Variants in ARHGAP32 observed in about 807,000 individuals in gnomAD.
The protein encoded by ARHGAP32 is rho GTPase-activating protein 32.
In ARHGAP32, 51 loss-of-function variants were observed where a neutral mutation model predicts 186.5. That is an observed-to-expected ratio of 0.27 (90% CI 0.22 to 0.35). The LOEUF is 0.35. Among genes scored for constraint, ARHGAP32 ranks in the 10% least tolerant of loss-of-function variants. The pLI is 1.00. For synonymous variants in ARHGAP32, 950 were observed against 964.3 expected (o/e 0.99, Z 0.27); for missense variants, 2,186 against 2,623.5 (o/e 0.83, Z 3.64).
intron 19 of ARHGAP32, among the ~76,000 whole-genome samples, chr11:128,977,701 A>C (rs756656013): frequency 3.3e-5 from 5 of 152,004 alleles, no homozygotes; most frequent in Non-Finnish European, 7.4e-5. Context: ...TTAAGAGACT[A>C]TGTCTTGCTT....
chr11:129,151,642 C>T (rs1591653596), intron 2 of ARHGAP32, among the ~76,000 whole-genome samples: 1 of 152,038 alleles, frequency 6.6e-6, no homozygotes. Context: ...ATGAAATCAA[C>T]ATGGAAATTT....
chr11:129,163,324 A>C (rs559836292), intron 2 of ARHGAP32, among the ~76,000 whole-genome samples: 1 of 152,260 alleles, frequency 6.6e-6, no homozygotes, highest in East Asian at 1.9e-4. Context: ...TCTCCCACAA[A>C]AGAAGAATTT....
chr11:128,987,508 T>C (rs1945908262), intron 13 of ARHGAP32, among the ~76,000 whole-genome samples: 1 of 152,154 alleles, frequency 6.6e-6, no homozygotes, highest in African/African-American at 2.4e-5. Flanking sequence ...GGTAATGGCA[T>C]GTCAAGAATA....
At chr11:129,168,343 A>G (rs1190831232) in intron 1 of ARHGAP32, among the ~76,000 whole-genome samples, 1 of 152,240 alleles carries the variant, frequency 6.6e-6, no homozygotes, top group Non-Finnish European at 1.5e-5. Flanking sequence ...GATACCATGT[A>G]AACACTAGCC....
chr11:129,029,545 T>G (rs930901416), intron 11 of ARHGAP32, among the ~76,000 whole-genome samples: 1 of 152,138 alleles, frequency 6.6e-6, no homozygotes, highest in Non-Finnish European at 1.5e-5. Context: ...GGCTCACGCC[T>G]GTAATCCCAG....
intron 1 of ARHGAP32, among the ~76,000 whole-genome samples, chr11:129,173,776 T>C (rs964562014): frequency 1.1e-4 from 17 of 152,114 alleles, no homozygotes; most frequent in African/African-American, 4.1e-4. Context: ...AAAACACAAA[T>C]ACAGCTAAGC....
intron 2 of ARHGAP32, among the ~76,000 whole-genome samples, chr11:129,143,418 C>G (rs1350445680): frequency 6.6e-6 from 1 of 152,112 alleles, no homozygotes; most frequent in Non-Finnish European, 1.5e-5. Flanking sequence ...GCATGCAGTT[C>G]TGAGTAATGT....
intron 11 of ARHGAP32, among the ~76,000 whole-genome samples, chr11:129,001,028 T>C (rs1565368316): frequency 6.8e-6 from 1 of 147,380 alleles, no homozygotes; most frequent in Non-Finnish European, 1.5e-5. Context: ...TCCATTCATC[T>C]GCTGATGAAC....
At chr11:129,229,791 C>G (rs7127011) in intron 1 of ARHGAP32, among the ~76,000 whole-genome samples, 1 of 151,902 alleles carries the variant, frequency 6.6e-6, no homozygotes, top group Non-Finnish European at 1.5e-5. Context: ...TATATATATG[C>G]ATAACATTAA....
chr11:129,074,040 T>C (rs1371043713), intron 6 of ARHGAP32, among the ~76,000 whole-genome samples: 2 of 152,006 alleles, frequency 1.3e-5, no homozygotes, highest in Non-Finnish European at 2.9e-5. Flanking sequence ...CAAACAAAAA[T>C]TGAGAAAATT....
intron 2 of ARHGAP32, among the ~76,000 whole-genome samples, chr11:129,162,298 T>TA (rs551133207): frequency 6.3e-4 from 95 of 151,992 alleles, no homozygotes; most frequent in Non-Finnish European, 1.0e-3. Context: ...AGTATAATAA[T>TA]AAAAAAATCT....
At chr11:129,079,816 G>T (rs1323066630) in intron 6 of ARHGAP32, among the ~76,000 whole-genome samples, 1 of 152,126 alleles carries the variant, frequency 6.6e-6, no homozygotes, top group Non-Finnish European at 1.5e-5. Flanking sequence ...ACACCAGAAT[G>T]GGTAAGAATT....
chr11:129,217,422 T>C (rs1944661177), intron 1 of ARHGAP32, among the ~76,000 whole-genome samples: 1 of 152,166 alleles, frequency 6.6e-6, no homozygotes, highest in Non-Finnish European at 1.5e-5. Context: ...TGCCAAGGGG[T>C]ATGCCTTGCC....
chr11:128,981,183 C>T (rs1230600669), intron 17 of ARHGAP32, among the ~76,000 whole-genome samples: 4 of 152,212 alleles, frequency 2.6e-5, no homozygotes, highest in Admixed American at 1.3e-4. Context: ...CAATAATGAA[C>T]GACAAGTTTT....
chr11:129,016,158 G>A (rs1480820706), intron 11 of ARHGAP32, among the ~76,000 whole-genome samples: 1 of 152,008 alleles, frequency 6.6e-6, no homozygotes, highest in Admixed American at 6.6e-5. Flanking sequence ...TGTTTCATAT[G>A]GCCATTCAGT....
intron 11 of ARHGAP32, among the ~76,000 whole-genome samples, chr11:129,002,348 T>G (rs1180218649): frequency 6.6e-6 from 1 of 152,224 alleles, no homozygotes; most frequent in Non-Finnish European, 1.5e-5. Context: ...ATTTTATTTG[T>G]AGCTACTATA....
chr11:129,274,105 A>C (rs1945504018), intron 1 of ARHGAP32, among the ~76,000 whole-genome samples: 1 of 152,136 alleles, frequency 6.6e-6, no homozygotes, highest in East Asian at 1.9e-4. Flanking sequence ...ATGAGAAATT[A>C]AACCAAACAC....
intron 11 of ARHGAP32, chr11:129,023,750 G>C (rs912718755): frequency 1.1e-5 from 3 of 265,224 alleles, no homozygotes; most frequent in Non-Finnish European, 1.7e-5. Context: ...TTACCTAAGA[G>C]AGCAACCAAG....
intron 1 of ARHGAP32, among the ~76,000 whole-genome samples, chr11:129,268,640 C>T (rs1298857194): frequency 9.5e-6 from 1 of 105,642 alleles, no homozygotes; most frequent in East Asian, 3.2e-4. Context: ...TGTCATCTTG[C>T]TCTTTCGTTA....
Sources: gnomAD v4.1 joint callset for allele counts (sites outside exome capture counted in the v4.1 genomes callset) on GRCh38, gnomAD v4.1.1 for gene constraint, MANE v1.5 for transcripts, NCBI Gene and HGNC (gene_info 2026-07-23, HGNC 2026-07-21) for gene names.